FGF14: variants seen among roughly 807,000 people sequenced by gnomAD.
FGF14 encodes the protein fibroblast growth factor homologous factor 4.
In FGF14, 5 loss-of-function variants were observed where a neutral mutation model predicts 25.5. The ratio of observed to expected loss-of-function variants is 0.20; its 90% CI spans 0.10 to 0.41. FGF14 has a LOEUF of 0.41. FGF14 is among the 10% of genes least tolerant of loss of function. The pLI, the probability that FGF14 is intolerant of heterozygous loss-of-function variation, is 1.00. For missense variants in FGF14, 222 were observed against 320.1 expected, an observed-to-expected ratio of 0.69 and a Z score of 2.34; for synonymous variants, 138 against 118.3, an observed-to-expected ratio of 1.17 and a Z score of -1.08.
chr13:101,993,365 A>G (rs925341390), intron 1 of FGF14, among the ~76,000 whole-genome samples: 7 of 152,062 alleles, frequency 4.6e-5, no homozygotes, highest in Non-Finnish European at 7.4e-5. Flanking sequence ...GTCTTAAGAG[A>G]GAAGGAAAAC....
chr13:102,256,304 G>A (rs2052434677), intron 1 of FGF14, among the ~76,000 whole-genome samples: 1 of 151,686 alleles, frequency 6.6e-6, no homozygotes, highest in African/African-American at 2.4e-5. Context: ...ACCAACCTGG[G>A]CAACACAGGT....
chr13:102,057,575 C>T (rs1425981304), intron 1 of FGF14, among the ~76,000 whole-genome samples: 1 of 152,088 alleles, frequency 6.6e-6, no homozygotes, highest in African/African-American at 2.4e-5. Flanking sequence ...ATACTGTATT[C>T]TCAGTGACCA....
chr13:101,718,641 G>C lies in FGF14; in HGVS notation c.*4190C>G, dbSNP rs1247454068. The C allele has an allele frequency of 6.6e-6, 1 of 152,036 alleles. No individual in the cohort carries two copies. Among genetic ancestry groups the C allele is most frequent in the African/African-American group, 2.4e-5 (1 of 41,432 alleles). The allele number at this position is 152,036 out of a possible 1,614,324, so 9.4% of individuals were successfully genotyped here. On this transcript the variant is annotated 3_prime_UTR_variant, in exon 5 of 5. Transcript: ENST00000376143. ...TAAAGTGCTAAGTCATAAGAGGAGA[G>C]CCATTATACCCGTTGTCTTTCTGGG... is the stretch of plus-strand genomic sequence containing the variant.
At chr13:102,077,962 C>T (rs574799328) in intron 1 of FGF14, among the ~76,000 whole-genome samples, 12 of 152,008 alleles carry the variant, frequency 7.9e-5, no homozygotes, top group East Asian at 5.8e-4. Flanking sequence ...GCCTTAAAAA[C>T]GAAGGAAATC....
intron 1 of FGF14, among the ~76,000 whole-genome samples, chr13:102,058,773 C>T (rs1450237380): frequency 6.6e-6 from 1 of 152,108 alleles, no homozygotes; most frequent in Non-Finnish European, 1.5e-5. Flanking sequence ...ACCAGTCTTA[C>T]TCAAATTTGC....
chr13:102,072,051 T>C (rs78796845), intron 1 of FGF14, among the ~76,000 whole-genome samples: 1 of 152,160 alleles, frequency 6.6e-6, no homozygotes, highest in East Asian at 1.9e-4. Context: ...TCATGAAAAT[T>C]GAGAGGCAGA....
At chr13:101,762,992 A>C (rs1440720080) in intron 3 of FGF14, among the ~76,000 whole-genome samples, 3 of 152,156 alleles carry the variant, frequency 2.0e-5, no homozygotes, top group Admixed American at 2.0e-4. Flanking sequence ...CTTCAGCCCC[A>C]TCATAAAAAG....
chr13:101,722,465 A>C lies in FGF14; in HGVS notation c.*366T>G, dbSNP rs769775176. On this transcript the variant is annotated 3_prime_UTR_variant, in exon 5 of 5. Transcript: ENST00000376143. ...TACAAAATTGAACTTAAACACATAG[A>C]TTTCGCTGAAACAGGACTCAAAAAG... 4.4e-5 allele frequency: 15 copies of C among 337,532 alleles called. No individual in the cohort carries two copies. Among genetic ancestry groups the C allele is most frequent in the Non-Finnish European group, 7.5e-5 (13 of 173,988 alleles). 20.9% of individuals were successfully genotyped at this position (337,532 alleles called of 1,614,324 possible).
intron 2 of FGF14, among the ~76,000 whole-genome samples, chr13:101,873,441 T>C (rs954583239): frequency 6.6e-6 from 1 of 152,150 alleles, no homozygotes; most frequent in Non-Finnish European, 1.5e-5. Context: ...CATCAGTCTT[T>C]AGCCTGATGA....
intron 1 of FGF14, among the ~76,000 whole-genome samples, chr13:102,036,804 A>G (rs1279700691): frequency 6.6e-6 from 1 of 152,162 alleles, no homozygotes; most frequent in Non-Finnish European, 1.5e-5. Context: ...GCAGAATCCT[A>G]TGTCACAGAT....
At chr13:102,124,704 G>C (rs2045878906) in intron 1 of FGF14, among the ~76,000 whole-genome samples, 1 of 152,022 alleles carries the variant, frequency 6.6e-6, no homozygotes, top group Non-Finnish European at 1.5e-5. Flanking sequence ...TGCTTTTAAT[G>C]ATCTGAGGCT....
At chr13:102,016,255 C>A (rs1350284884) in intron 1 of FGF14, among the ~76,000 whole-genome samples, 2 of 151,964 alleles carry the variant, frequency 1.3e-5, no homozygotes, top group African/African-American at 4.8e-5. Context: ...ATTTTCTCTT[C>A]CTGCACCACA....
At chr13:102,221,207 A>C (rs372969583) in intron 1 of FGF14, among the ~76,000 whole-genome samples, 1 of 152,216 alleles carries the variant, frequency 6.6e-6, no homozygotes, top group African/African-American at 2.4e-5. Flanking sequence ...GGCAAACTGC[A>C]TTATGGAGAC....
chr13:102,335,593 C>T (rs778124410), intron 1 of FGF14, among the ~76,000 whole-genome samples: 1 of 152,084 alleles, frequency 6.6e-6, no homozygotes, highest in Non-Finnish European at 1.5e-5. Flanking sequence ...CTCCATTTTA[C>T]CCTGAAGAAC....
intron 1 of FGF14, among the ~76,000 whole-genome samples, chr13:101,886,296 A>G (rs2045984529): frequency 1.3e-5 from 2 of 152,168 alleles, no homozygotes; most frequent in Admixed American, 6.6e-5. Context: ...AAAATATACT[A>G]CAAAGCCATA....
chr13:101,971,998 G>T (rs900196269), intron 1 of FGF14, among the ~76,000 whole-genome samples: 2 of 152,212 alleles, frequency 1.3e-5, no homozygotes, highest in African/African-American at 4.8e-5. Flanking sequence ...ACAAGTGGGC[G>T]GAGACAGGAG....
At chr13:101,923,804 T>A (rs1369265754) in intron 1 of FGF14, among the ~76,000 whole-genome samples, 1 of 152,086 alleles carries the variant, frequency 6.6e-6, no homozygotes, top group Non-Finnish European at 1.5e-5. Context: ...ATGTTTTGAT[T>A]CAATAAAGGA....
intron 1 of FGF14, among the ~76,000 whole-genome samples, chr13:101,964,950 T>A (rs1410657647): frequency 6.6e-6 from 1 of 152,100 alleles, no homozygotes; most frequent in Non-Finnish European, 1.5e-5. Flanking sequence ...TTCAAAACCT[T>A]CTCTTTTATG....
At chr13:102,388,182 T>A (rs961791886) in intron 1 of FGF14, among the ~76,000 whole-genome samples, 11 of 152,200 alleles carry the variant, frequency 7.2e-5, no homozygotes, top group African/African-American at 2.7e-4. Context: ...AAGAAGAGTA[T>A]GTCAATACTA....
Sources: allele counts gnomAD v4.1 joint callset (sites outside exome capture counted in the v4.1 genomes callset), GRCh38; gene constraint gnomAD v4.1.1; transcripts MANE v1.5; gene names NCBI Gene and HGNC (gene_info 2026-07-23, HGNC 2026-07-21).